Variants in TMEM25 observed in about 807,000 individuals in gnomAD.
TMEM25 encodes the protein transmembrane protein 25.
Under a neutral mutation model 37.0 loss-of-function variants are expected in TMEM25, and 36 were observed. That is an observed-to-expected ratio of 0.97 (90% CI 0.75 to 1.28). The LOEUF (loss-of-function observed/expected upper bound fraction) is 1.28, where lower values mean the gene tolerates loss of function less well. TMEM25 is among the 50% of genes most tolerant of loss of function. TMEM25 has a pLI of 0.00. For synonymous variants in TMEM25, 197 were observed against 203.7 expected (o/e 0.97, Z 0.28); for missense variants, 444 against 477.9 (o/e 0.93, Z 0.66).
At position 118,535,817 on chromosome 11, in the gene TMEM25, T is replaced by A; in HGVS notation, c.*1237T>A. On this transcript the variant is annotated 3_prime_UTR_variant, in exon 9 of 9. Transcript: ENST00000313236. ...TGAGCACACAGCAAGTTTAATAAAC[T>A]TGACTGAATTCATTTACATATCTCT... 1 of 1,237,026 alleles carries A rather than the reference T, an allele frequency of 8.1e-7. No individual in the cohort carries two copies. The highest frequency in any genetic ancestry group is 1.0e-6 in the Non-Finnish European group (1 of 990,516). The allele number at this position is 1,237,026 out of a possible 1,614,324, so 76.6% of individuals were successfully genotyped here.
At position 118,531,899 on chromosome 11, in the gene TMEM25, G is replaced by C. The variant is rs782574639; in HGVS notation, c.70+28G>C. On this transcript the variant is annotated intron_variant, in intron 2 of 8. Transcript: ENST00000313236. ...ACACCCCTGTTCAGTCGTTGACCAAGTCCTTCTGGGTTCCAAAGCCCCCTC... is the reference window on the plus strand; with the variant it reads ...ACACCCCTGTTCAGTCGTTGACCAACTCCTTCTGGGTTCCAAAGCCCCCTC... The C allele has an allele frequency of 1.7e-5, 27 of 1,550,584 alleles. No individual in the cohort carries two copies. In the South Asian group the frequency reaches 3.1e-4, roughly 18 times the overall value.
In TMEM25 at chr11:118,532,401, T is replaced by A; in HGVS notation, c.322T>A (p.Ser108Thr). ...TCGGGCCCAGCATGAGCTCAACTGCTCTCTGCAGGACCCCAGAAGTGGCCG... is the reference window on the plus strand; with the variant it reads ...TCGGGCCCAGCATGAGCTCAACTGCACTCTGCAGGACCCCAGAAGTGGCCG... ...AHRAQHELNCSLQDPRSGRSA... is the reference protein window; with the variant it reads ...AHRAQHELNCTLQDPRSGRSA... Residue 108 changes from serine to threonine, a missense_variant, in exon 3 of 9, where the codon TCT becomes ACT. Transcript: ENST00000313236. 6.2e-7 allele frequency: 1 copy of A among 1,614,084 alleles called. No homozygotes were observed. The highest frequency in any genetic ancestry group is 8.5e-7 in the Non-Finnish European group (1 of 1,180,006).
At position 118,535,303 on chromosome 11, in the gene TMEM25, G is replaced by C. The variant is rs1225497647; in HGVS notation, c.*723G>C. ...CCCAGTATTAGCACAAGTTAGGGAGGAAGAGGCAGGCGATGAGTCTAGTAG... is the reference window on the plus strand; with the variant it reads ...CCCAGTATTAGCACAAGTTAGGGAGCAAGAGGCAGGCGATGAGTCTAGTAG... On this transcript the variant is annotated 3_prime_UTR_variant, in exon 9 of 9. Coordinates refer to ENST00000313236, the MANE Select transcript of TMEM25 (RefSeq NM_032780.4). 5 of 1,309,796 alleles carry C rather than the reference G, an allele frequency of 3.8e-6. No homozygotes were observed. The Middle Eastern group carries it at 1.5e-3, about 381-fold the overall frequency. The allele number at this position is 1,309,796 out of a possible 1,614,324, so 81.1% of individuals were successfully genotyped here.
downstream of TMEM25, among the ~76,000 whole-genome samples, chr11:118,538,623 T>G (rs1176516368): frequency 2.0e-5 from 3 of 152,114 alleles, no homozygotes; most frequent in Admixed American, 6.6e-5. Flanking sequence ...CCAGGCATGG[T>G]GGTTCACACC....
downstream of TMEM25, among the ~76,000 whole-genome samples, chr11:118,538,250 C>A (rs1951536203): frequency 6.6e-6 from 1 of 152,054 alleles, no homozygotes; most frequent in African/African-American, 2.4e-5. Context: ...CAGCTCACTG[C>A]AACCTCTACC....
Position 118,532,309 on chromosome 11 carries a change from C to G in TMEM25, c.230C>G (p.Ser77Ter). The change falls in exon 3 of 9, where the codon TCA becomes TGA. Residue 77 changes from serine to a stop codon, truncating the protein, a stop_gained. Coordinates refer to ENST00000313236, the MANE Select transcript of TMEM25 (RefSeq NM_032780.4). LOFTEE classifies it high-confidence loss of function. ...LDGQLQEAST[S>*]RLLSVGGEAF... The stretch of plus-strand genomic sequence containing the variant: ...GGACAGCTGCAGGAGGCCAGCACCT[C>G]AAGACTGCTGAGCGTGGGAGGGGAG... The G allele has an allele frequency of 6.2e-7, 1 of 1,614,238 alleles. No homozygotes were observed. Among genetic ancestry groups the G allele is most frequent in the Non-Finnish European group, 8.5e-7 (1 of 1,180,040 alleles).
downstream of TMEM25, among the ~76,000 whole-genome samples, chr11:118,538,194 C>G (rs1951535350): frequency 1.3e-5 from 2 of 152,022 alleles, no homozygotes; most frequent in South Asian, 4.2e-4. Context: ...TTTTTTGAGA[C>G]AGAGTCTTGC....
At chr11:118,533,834 G>A (rs1555061268) in intron 5 of TMEM25, 23 bp from the exon 6 acceptor site, 1 of 1,613,772 alleles carries the variant, frequency 6.2e-7, no homozygotes, top group African/African-American at 1.3e-5. Context: ...TGAGAATTAG[G>A]GACATGGTTT....
At position 118,534,541 on chromosome 11, in the gene TMEM25, T is replaced by G; in HGVS notation, c.1062T>G (p.Tyr354Ter). ...GCCTCCCAGTGCTGGGCTATATCTA[T>G]CGAGTGTCCAGCGTGAGCAGTGATG... ...FIRLPVLGYI[Y>*]RVSSVSSDEI... Residue 354 changes from tyrosine (Y) to a stop codon, truncating the protein, a stop_gained, in exon 9 of 9, where the codon TAT (tyrosine) becomes TAG (stop). Transcript: ENST00000313236. LOFTEE classifies it high-confidence loss of function. The surrounding 1 kb of genome is among the most constrained non-coding windows in gnomAD (Gnocchi z 4.6). 1 of 1,614,182 alleles carries G rather than the reference T, an allele frequency of 6.2e-7. No individual in the cohort carries two copies. The highest frequency in any genetic ancestry group is 8.5e-7 in the Non-Finnish European group (1 of 1,180,024).
chr11:118,532,336 C>A lies in TMEM25; in HGVS notation c.257C>A (p.Ala86Asp), dbSNP rs371160569. Reference protein sequence around the residue: ...TSRLLSVGGEAFSGGTSTFTV... With the variant: ...TSRLLSVGGEDFSGGTSTFTV... ...AGACTGCTGAGCGTGGGAGGGGAGG[C>A]CTTCTCTGGAGGCACCAGCACCTTC... The change falls in exon 3 of 9, where the codon GCC becomes GAC. Residue 86 changes from alanine (A) to aspartate (D), a missense_variant. Transcript: ENST00000313236. The A allele has an allele frequency of 1.2e-6, 2 of 1,614,096 alleles. No homozygotes were observed. Among genetic ancestry groups the A allele is most frequent in the African/African-American group, 2.7e-5 (2 of 74,944 alleles).
At chr11:118,531,747 G>A in intron 1 of TMEM25, 28 bp from the exon 2 acceptor site, 1 of 1,475,246 alleles carries the variant, frequency 6.8e-7, no homozygotes, top group Non-Finnish European at 9.1e-7. Flanking sequence ...GCTGTCACCT[G>A]GCTGACAGGC....
rs540465489 is a variant in TMEM25 at position 118,535,550 on chromosome 11, G to T, written c.*970G>T. 2.1e-5 allele frequency: 32 copies of T among 1,535,852 alleles called. No individual in the cohort carries two copies. The South Asian group carries it at 3.7e-4, about 18-fold the overall frequency. On this transcript the variant is annotated 3_prime_UTR_variant, in exon 9 of 9. Transcript: ENST00000313236. The stretch of plus-strand genomic sequence containing the variant: ...GGGACCCCAGCCCTGACCAACCCAT[G>T]GTTGCCTCATCAGCAGGAAGGTGCC...
rs1262578704 is a variant in TMEM25, at chr11:118,532,941, G to T, written c.407G>T (p.Gly136Val). 4 of 1,613,922 alleles carry T rather than the reference G, an allele frequency of 2.5e-6. No homozygotes were observed. Among genetic ancestry groups the T allele is most frequent in the Non-Finnish European group, 3.4e-6 (4 of 1,179,844 alleles). The change falls in exon 4 of 9, where the codon GGC becomes GTC. Residue 136 changes from glycine (G) to valine (V), a missense_variant. By Grantham distance (109) the Gly-to-Val change is moderately radical. Coordinates refer to ENST00000313236, the MANE Select transcript of TMEM25 (RefSeq NM_032780.4). ...VQFKPEIAQVGAKYQEAQGPG... is the reference protein window; with the variant it reads ...VQFKPEIAQVVAKYQEAQGPG... The stretch of plus-strand genomic sequence containing the variant: ...GTCAAGCCAGAGATTGCCCAAGTCG[G>T]CGCCAAGTACCAGGAAGCTCAGGGC...
downstream of TMEM25, among the ~76,000 whole-genome samples, chr11:118,539,368 A>G (rs1474978039): frequency 2.6e-5 from 4 of 151,900 alleles, no homozygotes; most frequent in Non-Finnish European, 5.9e-5. Context: ...GGGTTTCACC[A>G]TGTTGGCCAG....
At position 118,531,221 on chromosome 11, in the gene TMEM25, G is replaced by C. The variant is rs995360273; in HGVS notation, c.-41G>C. 2.7e-5 allele frequency: 12 copies of C among 444,040 alleles called. No homozygotes were observed. Among genetic ancestry groups the C allele is most frequent in the African/African-American group, 1.5e-4 (7 of 47,278 alleles). 27.5% of individuals were successfully genotyped at this position (444,040 alleles called of 1,614,324 possible). ...CTGAGCAGTTGCTCCGGCGGCGCTC[G>C]GGGAGGGAGCCAGGTGAGCCGCCCC... is the stretch of plus-strand genomic sequence containing the variant. On this transcript the variant is annotated 5_prime_UTR_variant, in exon 1 of 9. Coordinates refer to ENST00000313236, the MANE Select transcript of TMEM25 (RefSeq NM_032780.4).
chr11:118,545,874 C>G, intron 8 of TMEM25: 2 of 1,612,778 alleles, frequency 1.2e-6, no homozygotes, highest in Middle Eastern at 1.6e-4. Flanking sequence ...CATGGAAGGA[C>G]CAAAGTCAAA....
In TMEM25 at chr11:118,544,881, C is replaced by A. The variant is rs781866641; in HGVS notation, c.1028-1238C>A. The A allele has an allele frequency of 2.7e-6, 4 of 1,474,606 alleles. No homozygotes were observed. The East Asian group carries it at 9.1e-5, about 33-fold the overall frequency. The allele number at this position is 1,474,606 out of a possible 1,614,324, so 91.3% of individuals were successfully genotyped here. On this transcript the variant is annotated intron_variant, in intron 8 of 8. Transcript: ENST00000354284. ...TCCATCTCAGCTGGGGCAGAGGGGC[C>A]AGCTCAGCCTTGAAACAGCAGCTTG...
intron 4 of TMEM25, 23 bp from the exon 5 acceptor site, chr11:118,533,397 C>T: frequency 6.2e-7 from 1 of 1,612,716 alleles, no homozygotes; most frequent in Non-Finnish European, 8.5e-7. Flanking sequence ...CACTTGGGAC[C>T]TGACACAGAG....
chr11:118,534,920 C>A lies in TMEM25; in HGVS notation c.*340C>A. ...CAGCATCCAAGTGTGGCATGGCCTG[C>A]TGTATACCCCACCCCAGTACTCCAC... On this transcript the variant is annotated 3_prime_UTR_variant, in exon 9 of 9. Transcript: ENST00000313236. This position sits in a 1 kb window ranked among gnomAD's most constrained non-coding sequence, Gnocchi z 4.6. The A allele has an allele frequency of 8.4e-7, 1 of 1,197,536 alleles. No individual in the cohort carries two copies. The allele number at this position is 1,197,536 out of a possible 1,614,324, so 74.2% of individuals were successfully genotyped here.
Sources: allele counts gnomAD v4.1 joint callset (sites outside exome capture counted in the v4.1 genomes callset), GRCh38; gene constraint gnomAD v4.1.1; non-coding constraint Gnocchi (gnomAD v3.1); transcripts MANE v1.5; gene names NCBI Gene and HGNC (gene_info 2026-07-23, HGNC 2026-07-21).